Variants in HYKK observed in about 807,000 individuals in gnomAD.
HYKK encodes hydroxylysine kinase.
A neutral mutation model predicts 29.7 loss-of-function variants in HYKK; 19 were observed. That is an observed-to-expected ratio of 0.64 (90% confidence interval 0.45 to 0.94). HYKK has a LOEUF of 0.94. Among genes scored for constraint, HYKK ranks in the 40% least tolerant of loss-of-function variants. The pLI is 0.00. For synonymous variants in HYKK, 152 were observed against 158.1 expected (o/e 0.96, Z 0.29); for missense variants, 390 against 443.4 (o/e 0.88, Z 1.08).
At chr15:78,516,455 C>T (rs1196003243) in intron 3 of HYKK, among the ~76,000 whole-genome samples, 1 of 150,954 alleles carries the variant, frequency 6.6e-6, no homozygotes, top group African/African-American at 2.4e-5. Flanking sequence ...AAGCAATCCT[C>T]CCACCTCAGC....
intron 3 of HYKK, among the ~76,000 whole-genome samples, chr15:78,519,512 C>T (rs369448902): frequency 6.6e-6 from 1 of 152,134 alleles, no homozygotes; most frequent in East Asian, 1.9e-4. Flanking sequence ...ATAATCCCAG[C>T]GCTTTGAGAG....
chr15:78,509,416 C>A (rs1330820402), intron 1 of HYKK, among the ~76,000 whole-genome samples: 3 of 152,210 alleles, frequency 2.0e-5, no homozygotes, highest in East Asian at 3.9e-4. Flanking sequence ...AACAACCTTG[C>A]TTTACATGGC....
At chr15:78,515,992 A>G (rs563211192) in intron 3 of HYKK, among the ~76,000 whole-genome samples, 66 of 152,276 alleles carry the variant, frequency 4.3e-4, no homozygotes, top group African/African-American at 1.5e-3. Flanking sequence ...GCTCACTGAA[A>G]ACAGTCAATA....
intron 1 of HYKK, among the ~76,000 whole-genome samples, chr15:78,511,689 T>C (rs1403226437): frequency 2.7e-5 from 4 of 150,266 alleles, no homozygotes; most frequent in South Asian, 2.1e-4. Context: ...GCTATTGCAC[T>C]CCAGCCTGGG....
At position 78,508,848 on chromosome 15, in the gene HYKK, A is replaced by G. The variant is rs1217157070; in HGVS notation, c.-6+1177A>G. ...TGCTTGAGCCCAGAAGTTCGAGACC[A>G]GCCTGGGCAACATAGTGGGACCCTC... is the stretch of plus-strand genomic sequence containing the variant. On this transcript the variant is annotated intron_variant, in intron 1 of 4. Coordinates refer to ENST00000388988, the MANE Select transcript of HYKK (RefSeq NM_001013619.4). Among the ~76,000 whole-genome samples the G allele has an allele frequency of 5.5e-5, 8 of 144,572 alleles. No individual in the cohort carries two copies. The East Asian group carries it at 1.6e-3, about 30-fold the overall frequency. The allele number at this position is 144,572 out of a possible 152,430, so 94.8% of individuals were successfully genotyped here. A position where few individuals can be genotyped will look rare whatever the true frequency, so the allele number is the denominator to read the frequency against.
intron 4 of HYKK, chr15:78,528,232 G>A (rs2052277644): frequency 6.2e-6 from 1 of 161,592 alleles, no homozygotes; most frequent in Non-Finnish European, 1.3e-5. Flanking sequence ...ATTCTCATAG[G>A]AGCACAAACC....
chr15:78,517,502 C>G (rs2052148401), intron 3 of HYKK, among the ~76,000 whole-genome samples: 1 of 151,942 alleles, frequency 6.6e-6, no homozygotes, highest in African/African-American at 2.4e-5. Context: ...TTACTTGAAC[C>G]CAGGAGGTGG....
chr15:78,525,219 G>A (rs895724488), intron 3 of HYKK, among the ~76,000 whole-genome samples: 2 of 151,680 alleles, frequency 1.3e-5, no homozygotes, highest in African/African-American at 4.8e-5. Flanking sequence ...GCAGTGGTGC[G>A]ATCTCAGCTC....
At chr15:78,526,497 G>A (rs1398112999) in intron 3 of HYKK, among the ~76,000 whole-genome samples, 5 of 152,104 alleles carry the variant, frequency 3.3e-5, no homozygotes, top group Admixed American at 2.6e-4. Flanking sequence ...TAGAAATGAC[G>A]GCACTAACCA....
At chr15:78,532,264 T>C (rs1188855575) in intron 4 of HYKK, among the ~76,000 whole-genome samples, 2 of 152,196 alleles carry the variant, frequency 1.3e-5, no homozygotes, top group Non-Finnish European at 2.9e-5. Flanking sequence ...TGAACTCGTG[T>C]ACGCTCCATT....
chr15:78,537,256 T>C (rs371762794), downstream of HYKK: 55 of 622,824 alleles, frequency 8.8e-5, no homozygotes, highest in African/African-American at 4.4e-4. Context: ...TGGAAGACCC[T>C]AATATAATAC....
chr15:78,517,076 G>T (rs75699205), intron 3 of HYKK, among the ~76,000 whole-genome samples: 14 of 3,600 alleles, frequency 3.9e-3, no homozygotes, highest in African/African-American at 8.0e-3. Context: ...CTTGCATCAG[G>T]TCCTTTTCTT....
intron 1 of HYKK, among the ~76,000 whole-genome samples, chr15:78,511,181 C>A (rs1287582350): frequency 6.6e-6 from 1 of 151,826 alleles, no homozygotes; most frequent in African/African-American, 2.4e-5. Flanking sequence ...TGCAGCTCAC[C>A]CTCACGATGT....
rs1294705181 is a variant in HYKK, at chr15:78,533,718, A to T, written c.*48A>T. The T allele has an allele frequency of 1.5e-6, 2 of 1,353,958 alleles. No homozygotes were observed. The highest frequency in any genetic ancestry group is 2.1e-6 in the Non-Finnish European group (2 of 962,740). The allele number at this position is 1,353,958 out of a possible 1,614,324, so 83.9% of individuals were successfully genotyped here. A position where few individuals can be genotyped will look rare whatever the true frequency, so the allele number is the denominator to read the frequency against. On this transcript the variant is annotated 3_prime_UTR_variant, in exon 5 of 5. Coordinates refer to ENST00000388988, the MANE Select transcript of HYKK (RefSeq NM_001013619.4). ...AGTTCACTTTAACTTGGGTAATTAA[A>T]ATAGGACCCAGTCAAATTTTAGGAA...
At chr15:78,524,181 G>T (rs1469542981) in intron 3 of HYKK, among the ~76,000 whole-genome samples, 2 of 152,240 alleles carry the variant, frequency 1.3e-5, no homozygotes, top group East Asian at 3.8e-4. Flanking sequence ...CCTGCAGCAG[G>T]TTTCTGCCTG....
Position 78,527,813 on chromosome 15 carries a change from T to C in HYKK, c.661+250T>C, listed in dbSNP as rs935032702. ...TTGCACATTACATATGTATGATTTA[T>C]AAATTATTTATAGTAGGGTTTGTGT... is the stretch of plus-strand genomic sequence containing the variant. On this transcript the variant is annotated intron_variant, in intron 4 of 4. Transcript: ENST00000388988. The C allele has an allele frequency of 8.1e-5, 83 of 1,028,484 alleles. No homozygotes were observed. In the African/African-American group the frequency reaches 1.3e-3, roughly 17 times the overall value. The allele number at this position is 1,028,484 out of a possible 1,614,324, so 63.7% of individuals were successfully genotyped here.
chr15:78,528,848 T>C, intron 4 of HYKK: 1 of 982,476 alleles, frequency 1.0e-6, no homozygotes, highest in Non-Finnish European at 1.2e-6. Flanking sequence ...TATCAAGGCC[T>C]AAGATAGGCA....
At position 78,533,838 on chromosome 15, in the gene HYKK, G is replaced by A. The variant is rs931794; in HGVS notation, c.*168G>A. ...ATCCCTAAGGTCTTCAAGCAATCTC[G>A]TGACAATTTTTTAAAATTCACAAAA... On this transcript the variant is annotated 3_prime_UTR_variant, in exon 5 of 5. Coordinates refer to ENST00000388988, the MANE Select transcript of HYKK (RefSeq NM_001013619.4). 397,538 of 590,018 alleles carry A rather than the reference G, an allele frequency of 0.67. 134,807 individuals carry two copies. Among genetic ancestry groups the A allele is most frequent in the Admixed American group, 0.76 (23,358 of 30,538 alleles). 36.5% of individuals were successfully genotyped at this position (590,018 alleles called of 1,614,324 possible).
At position 78,527,200 on chromosome 15, in the gene HYKK, C is replaced by A. The variant is rs139439565; in HGVS notation, c.478-180C>A. On this transcript the variant is annotated intron_variant, in intron 3 of 4. Transcript: ENST00000388988. ...ACTCGGGAGGCTGAGGCAGAAGAAT[C>A]GCTTGAACCCAGGAGGTGGAGGTTG... 3.2e-3 allele frequency among the ~76,000 whole-genome samples: 489 copies of A among 150,850 alleles called. 2 individuals are homozygous for A. The highest frequency in any genetic ancestry group is 5.9e-3 in the Non-Finnish European group (402 of 67,842).
Sources: allele counts gnomAD v4.1 joint callset (sites outside exome capture counted in the v4.1 genomes callset), GRCh38; gene constraint gnomAD v4.1.1; transcripts MANE v1.5; gene names NCBI Gene and HGNC (gene_info 2026-07-23, HGNC 2026-07-21).